The following SULT1C2 variants were observed in gnomAD, a reference collection of about 807,000 sequenced individuals.
The protein encoded by SULT1C2 is sulfotransferase family 1C member 2.
SULT1C2 carries 27 observed loss-of-function variants against 36.0 expected under a neutral mutation model. That is an observed-to-expected ratio of 0.75 (90% CI 0.55 to 1.03). The LOEUF is 1.03. Ranked by LOEUF, SULT1C2 falls within the 50% of genes least tolerant of loss-of-function variation. The probability of loss-of-function intolerance (pLI) is 0.00; values close to 1 mark genes in which losing one functional copy is unlikely to be tolerated. For missense variants in SULT1C2, 395 were observed against 359.2 expected (o/e 1.10, Z -0.80); for synonymous variants, 121 against 116.0 (o/e 1.04, Z -0.27).
intron 1 of SULT1C2, among the ~76,000 whole-genome samples, chr2:108,290,568 G>T (rs1207385703): frequency 6.6e-6 from 1 of 152,156 alleles, no homozygotes. Flanking sequence ...TGGCTGAAAA[G>T]TCCAAGAGCA....
rs912955689 is a variant in SULT1C2, at chr2:108,305,140, G to A, written c.503-32G>A. 5 of 1,612,604 alleles carry A rather than the reference G, an allele frequency of 3.1e-6. No individual in the cohort carries two copies. The East Asian group carries it at 6.7e-5, about 22-fold the overall frequency. On this transcript the variant is annotated intron_variant, in intron 5 of 7. Transcript: ENST00000251481. ...TCAGAAGGTTTTGTGTGATGCCTATGTAGACTATTCTGTTTCCTGTGTCTA... is the reference window on the plus strand; with the variant it reads ...TCAGAAGGTTTTGTGTGATGCCTATATAGACTATTCTGTTTCCTGTGTCTA...
intron 7 of SULT1C2, among the ~76,000 whole-genome samples, chr2:108,307,394 G>A (rs1271657346): frequency 6.6e-6 from 1 of 152,148 alleles, no homozygotes; most frequent in African/African-American, 2.4e-5. Flanking sequence ...AACCCCTCTA[G>A]GGCAAGGCAT....
At chr2:108,296,459 G>GTT (rs4149428) in intron 3 of SULT1C2, among the ~76,000 whole-genome samples, 53,446 of 149,956 alleles carry the variant, frequency 0.36, 9,827 homozygotes, top group Non-Finnish European at 0.41. Context: ...CGTTTGTTTG[G>GTT]TTTTTTTTTT....
At chr2:108,299,982 G>C (rs1430020977) in intron 3 of SULT1C2, 2 of 152,252 alleles carry the variant, frequency 1.3e-5, no homozygotes, top group Admixed American at 1.3e-4. Context: ...TAGAGTGGAA[G>C]CTCCTTAGGG....
intron 7 of SULT1C2, among the ~76,000 whole-genome samples, chr2:108,307,386 C>G (rs998171563): frequency 1.3e-5 from 2 of 152,156 alleles, no homozygotes; most frequent in African/African-American, 4.8e-5. Context: ...ATATGAGAAA[C>G]CCCTCTAGGG....
Position 108,294,268 on chromosome 2 carries a change from A to G in SULT1C2, c.191A>G (p.Gln64Arg), listed in dbSNP as rs1283387649. 6 of 1,614,016 alleles carry G rather than the reference A, an allele frequency of 3.7e-6. No individual in the cohort carries two copies. The highest frequency in any genetic ancestry group is 5.1e-6 in the Non-Finnish European group (6 of 1,180,006). ...CAGGAAATTGTGGATATGATTGAAC[A>G]GAATGGGGACGTGGAGAAGTGCCAG... ...WIQEIVDMIEQNGDVEKCQRA... is the reference protein window; with the variant it reads ...WIQEIVDMIERNGDVEKCQRA... Residue 64 changes from glutamine to arginine, a missense_variant, in exon 3 of 8, where the codon CAG becomes CGG. Coordinates refer to ENST00000251481, the MANE Select transcript of SULT1C2 (RefSeq NM_001056.4).
intron 1 of SULT1C2, among the ~76,000 whole-genome samples, chr2:108,292,217 T>C (rs561347160): frequency 5.3e-5 from 8 of 152,286 alleles, no homozygotes; most frequent in South Asian, 4.1e-4. Context: ...CAGCCCAGCG[T>C]TGGCAAATTG....
At chr2:108,308,211 G>A in intron 7 of SULT1C2, 141 bp from the exon 8 acceptor site, 1 of 693,866 alleles carries the variant, frequency 1.4e-6, no homozygotes, top group South Asian at 2.0e-5. Flanking sequence ...GCTGCTCATG[G>A]ACAGGTGTCC....
At position 108,308,365 on chromosome 2, in the gene SULT1C2, T is replaced by C. The variant is rs757816689; in HGVS notation, c.792T>C (p.Asp264=). 3.1e-6 allele frequency: 5 copies of C among 1,608,890 alleles called. No individual in the cohort carries two copies. The highest frequency in any genetic ancestry group is 3.4e-6 in the Non-Finnish European group (4 of 1,178,768). ...TCCTTTTTCTAGGAACTGTGGGGGA[T>C]TGGAAAAACCACTTCACTGTTGCCC... ...SSFMRKGTVG[D]WKNHFTVAQN... Residue 264 remains aspartate (D), a synonymous_variant, in exon 8 of 8, where the codon GAT becomes GAC. Coordinates refer to ENST00000251481, the MANE Select transcript of SULT1C2 (RefSeq NM_001056.4).
At position 108,305,429 on chromosome 2, in the gene SULT1C2, A is replaced by G; in HGVS notation, c.612A>G (p.Glu204=). Residue 204 remains glutamate (E), a synonymous_variant, in exon 7 of 8, where the codon GAA becomes GAG. Coordinates refer to ENST00000251481, the MANE Select transcript of SULT1C2 (RefSeq NM_001056.4). ...CCTTGCCGCAGGACCCAAAGCATGA[A>G]ATTCGGAAGGTGATGCAGTTCATGG... ...YEDIKRDPKH[E]IRKVMQFMGK... 4 of 1,613,998 alleles carry G rather than the reference A, an allele frequency of 2.5e-6. No homozygotes were observed. Among genetic ancestry groups the G allele is most frequent in the Non-Finnish European group, 3.4e-6 (4 of 1,179,902 alleles).
intron 3 of SULT1C2, 26 bp from the exon 4 acceptor site, chr2:108,300,812 A>T (rs1278589454): frequency 3.1e-6 from 5 of 1,614,050 alleles, no homozygotes; most frequent in Non-Finnish European, 4.2e-6. Context: ...TACTACGCAG[A>T]TGTTTCCTCT....
intron 1 of SULT1C2, among the ~76,000 whole-genome samples, 151 bp downstream of exon 1, chr2:108,289,221 C>G (rs1676533913): frequency 6.6e-6 from 1 of 152,170 alleles, no homozygotes; most frequent in African/African-American, 2.4e-5. Context: ...GTTTTGTTAA[C>G]AGCCTCCAGC....
At position 108,305,263 on chromosome 2, in the gene SULT1C2, G is replaced by A; in HGVS notation, c.594G>A (p.Lys198=). The change falls in exon 6 of 8, where the codon AAG becomes AAA. Residue 198 remains lysine, a synonymous_variant. Transcript: ENST00000251481. ...TCTTCCTCTTCTATGAGGACATAAA[G>A]AGGGTGAGTGAAGGCTCTGCAGAAG... ...QILFLFYEDI[K]RDPKHEIRKV... is the part of the protein sequence containing the mutation. 6.2e-7 allele frequency: 1 copy of A among 1,614,172 alleles called. No homozygotes were observed. The highest frequency in any genetic ancestry group is 1.1e-5 in the South Asian group (1 of 91,070).
At chr2:108,306,424 G>A (rs1041138617) in intron 7 of SULT1C2, among the ~76,000 whole-genome samples, 7 of 136,068 alleles carry the variant, frequency 5.1e-5, no homozygotes, top group East Asian at 2.3e-4. Flanking sequence ...GGGCAACACA[G>A]CAAGACCCCA....
intron 1 of SULT1C2, among the ~76,000 whole-genome samples, chr2:108,289,535 A>C (rs2104408903): frequency 2.0e-5 from 3 of 152,308 alleles, no homozygotes; most frequent in Middle Eastern, 6.8e-3. Context: ...AAGACCTATA[A>C]AATTTGCACA....
intron 1 of SULT1C2, among the ~76,000 whole-genome samples, chr2:108,293,051 C>T (rs1234127022): frequency 6.6e-6 from 1 of 151,966 alleles, no homozygotes; most frequent in Non-Finnish European, 1.5e-5. Flanking sequence ...TGGTGGCGGG[C>T]ACCTGTAATC....
Position 108,302,724 on chromosome 2 carries a change from G to A in SULT1C2, c.375+1789G>A, listed in dbSNP as rs536275446. The A allele has an allele frequency of 2.9e-4, 44 of 152,268 alleles. 1 individual carries two copies. The highest frequency in any genetic ancestry group is 9.6e-4 in the African/African-American group (40 of 41,558). 9.4% of individuals were successfully genotyped at this position (152,268 alleles called of 1,614,324 possible). A position where few individuals can be genotyped will look rare whatever the true frequency, so the allele number is the denominator to read the frequency against. ...TCAAGTTGTGTGAATAAATGAAAAA[G>A]TGTATCAAAAATAAAATAAAGAAAT... On this transcript the variant is annotated intron_variant, in intron 4 of 7. Coordinates refer to ENST00000251481, the MANE Select transcript of SULT1C2 (RefSeq NM_001056.4).
intron 3 of SULT1C2, among the ~76,000 whole-genome samples, chr2:108,298,406 C>A (rs1676791555): frequency 6.6e-6 from 1 of 152,128 alleles, no homozygotes; most frequent in African/African-American, 2.4e-5. Context: ...CAGGGTCTCA[C>A]TCTGTCACCC....
In SULT1C2 at chr2:108,308,415, A is replaced by G. The variant is rs776658827; in HGVS notation, c.842A>G (p.Tyr281Cys). 232 of 1,613,078 alleles carry G rather than the reference A, an allele frequency of 1.4e-4. No individual in the cohort carries two copies. Among genetic ancestry groups the G allele is most frequent in the Non-Finnish European group, 1.9e-4 (227 of 1,179,872 alleles). ...CAGAATGAGAGGTTTGATGAAATCT[A>G]TAGAAGAAAGATGGAAGGAACCTCC... ...VAQNERFDEIYRRKMEGTSIN... is the reference protein window; with the variant it reads ...VAQNERFDEICRRKMEGTSIN... Residue 281 changes from tyrosine (Y) to cysteine (C), a missense_variant, in exon 8 of 8, where the codon TAT becomes TGT. Coordinates refer to ENST00000251481, the MANE Select transcript of SULT1C2 (RefSeq NM_001056.4).
Sources: gnomAD v4.1 joint callset for allele counts (sites outside exome capture counted in the v4.1 genomes callset) on GRCh38, gnomAD v4.1.1 for gene constraint, MANE v1.5 for transcripts, NCBI Gene and HGNC (gene_info 2026-07-23, HGNC 2026-07-21) for gene names.